SYNPO2: variants seen among roughly 807,000 people sequenced by gnomAD.
The protein encoded by SYNPO2 is synaptopodin-2.
In SYNPO2, 56 loss-of-function variants were observed where a neutral mutation model predicts 85.0. The ratio of observed to expected loss-of-function variants is 0.66; its 90% CI spans 0.53 to 0.82. The LOEUF (loss-of-function observed/expected upper bound fraction) is 0.82, where lower values mean the gene tolerates loss of function less well. Ranked by LOEUF, SYNPO2 falls within the 40% of genes least tolerant of loss-of-function variation. The pLI is 0.00. For synonymous variants in SYNPO2, 602 were observed against 591.1 expected (o/e 1.02, Z -0.27); for missense variants, 1,575 against 1,534.2 (o/e 1.03, Z -0.44).
chr4:118,886,455 AT>A (rs1465898522), upstream of SYNPO2, among the ~76,000 whole-genome samples: 2 of 151,962 alleles, frequency 1.3e-5, no homozygotes, highest in Non-Finnish European at 2.9e-5. Context: ...CCCTGTGTCT[AT>A]GTGTTCTCAT....
At chr4:119,001,293 A>G (rs1450531237) in intron 1 of SYNPO2, among the ~76,000 whole-genome samples, 1 of 152,230 alleles carries the variant, frequency 6.6e-6, no homozygotes, top group East Asian at 1.9e-4. Context: ...TAAATCAAAC[A>G]TAGCCTTGTA....
intron 1 of SYNPO2, among the ~76,000 whole-genome samples, chr4:118,944,896 A>G (rs1247079659): frequency 6.6e-6 from 1 of 152,138 alleles, no homozygotes; most frequent in Non-Finnish European, 1.5e-5. Flanking sequence ...CAGATAAGAG[A>G]GAGAATGGTG....
chr4:119,049,972 T>G (rs1738983758), intron 4 of SYNPO2, among the ~76,000 whole-genome samples: 1 of 152,114 alleles, frequency 6.6e-6, no homozygotes, highest in African/African-American at 2.4e-5. Context: ...TTAAATGACC[T>G]TTTCCAAAAT....
At position 118,889,023 on chromosome 4, in the gene SYNPO2, A is replaced by G. The variant is rs1732277366; in HGVS notation, c.-14A>G. ...CTCGTCAAGCTCTTCATGCTGCCCA[A>G]CTAAAAGGAAAACATGGGCACAGGG... On this transcript the variant is annotated 5_prime_UTR_variant, in exon 1 of 5. Transcript: ENST00000307142. 2 of 1,613,630 alleles carry G rather than the reference A, an allele frequency of 1.2e-6. No individual in the cohort carries two copies. The highest frequency in any genetic ancestry group is 1.7e-6 in the Non-Finnish European group (2 of 1,179,654).
rs540854642 is a variant in SYNPO2 at position 118,941,292 on chromosome 4, C to T, written c.105+52151C>T. 3.9e-5 allele frequency among the ~76,000 whole-genome samples: 6 copies of T among 152,296 alleles called. No individual in the cohort carries two copies. The South Asian group carries it at 1.2e-3, about 32-fold the overall frequency. ...TCTTGAACATCTTTCCAGTTTGTCA[C>T]GTTCTGTTCATTCCCAGTCACCAAC... On this transcript the variant is annotated intron_variant, in intron 1 of 4. Coordinates refer to ENST00000307142, the MANE Select transcript of SYNPO2 (RefSeq NM_133477.3).
chr4:118,928,873 A>G (rs935675257), intron 1 of SYNPO2, among the ~76,000 whole-genome samples: 1 of 152,202 alleles, frequency 6.6e-6, no homozygotes, highest in African/African-American at 2.4e-5. Context: ...TTTCTTGTTC[A>G]TGAACTAAGC....
At chr4:118,923,925 C>T (rs1441722677) in intron 1 of SYNPO2, among the ~76,000 whole-genome samples, 4 of 148,392 alleles carry the variant, frequency 2.7e-5, no homozygotes, top group Admixed American at 2.7e-4. Flanking sequence ...CATGTGGCAA[C>T]ATGTTTTTTA....
intron 1 of SYNPO2, among the ~76,000 whole-genome samples, chr4:118,857,572 A>G (rs1372493458): frequency 2.6e-5 from 4 of 151,558 alleles, no homozygotes; most frequent in Non-Finnish European, 5.9e-5. Flanking sequence ...AACAAGACAG[A>G]ATTTTTTTTA....
At chr4:118,996,459 T>C (rs1324453056) in intron 1 of SYNPO2, among the ~76,000 whole-genome samples, 2 of 152,192 alleles carry the variant, frequency 1.3e-5, no homozygotes, top group African/African-American at 4.8e-5. Context: ...AATATAATTG[T>C]ATATCATTTC....
chr4:118,884,159 C>CT (rs1168265078), upstream of SYNPO2, among the ~76,000 whole-genome samples: 2 of 152,152 alleles, frequency 1.3e-5, no homozygotes, highest in Non-Finnish European at 1.5e-5. Flanking sequence ...GAGATATTAT[C>CT]TTTTTTCTCA....
intron 1 of SYNPO2, among the ~76,000 whole-genome samples, chr4:118,876,571 A>AGCATTTATTTGTTCAGATACTTTTCCTT (rs1416621464): frequency 6.6e-6 from 1 of 152,038 alleles, no homozygotes; most frequent in Non-Finnish European, 1.5e-5. Context: ...AACAACACAC[A>AGCATTTATTTGTTCAGATACTTTTCCTT]GCATTTATTT....
At chr4:118,987,462 A>G (rs1736260331) in intron 1 of SYNPO2, among the ~76,000 whole-genome samples, 1 of 152,172 alleles carries the variant, frequency 6.6e-6, no homozygotes, top group Admixed American at 6.5e-5. Context: ...TTGAGCCCAG[A>G]AGTTTGAGAT....
At chr4:118,951,063 G>A (rs965042169) in intron 1 of SYNPO2, among the ~76,000 whole-genome samples, 18 of 152,196 alleles carry the variant, frequency 1.2e-4, no homozygotes, top group African/African-American at 4.3e-4. Context: ...TATTGACATT[G>A]TGGTCTTGCT....
intron 1 of SYNPO2, among the ~76,000 whole-genome samples, chr4:118,882,156 G>A (rs992243003): frequency 2.6e-5 from 4 of 151,792 alleles, no homozygotes; most frequent in African/African-American, 7.3e-5. Flanking sequence ...TATTGTTGTC[G>A]GTCACTTTTT....
chr4:119,028,224 T>TA (rs1298828518), intron 3 of SYNPO2, among the ~76,000 whole-genome samples: 2 of 29,584 alleles, frequency 6.8e-5, no homozygotes, highest in African/African-American at 1.7e-4. Context: ...TTTTGTTTGT[T>TA]TTTTTTTTTT....
chr4:118,929,493 A>T (rs1004093357), intron 1 of SYNPO2, among the ~76,000 whole-genome samples: 1 of 152,008 alleles, frequency 6.6e-6, no homozygotes, highest in Non-Finnish European at 1.5e-5. Context: ...AATAAAAAAA[A>T]TTTTGCTACA....
At chr4:118,982,012 A>G (rs1358407728) in intron 1 of SYNPO2, among the ~76,000 whole-genome samples, 2 of 152,188 alleles carry the variant, frequency 1.3e-5, no homozygotes, top group Non-Finnish European at 2.9e-5. Context: ...CAACTAATAC[A>G]TAACCTAAGG....
chr4:118,998,657 C>T (rs1736708663), intron 1 of SYNPO2, among the ~76,000 whole-genome samples: 1 of 152,172 alleles, frequency 6.6e-6, no homozygotes, highest in South Asian at 2.1e-4. Context: ...TCAGCTGTGT[C>T]AGTTGCTGTG....
intron 1 of SYNPO2, among the ~76,000 whole-genome samples, chr4:118,976,486 T>C (rs1343744303): frequency 2.0e-5 from 3 of 152,182 alleles, no homozygotes; most frequent in Admixed American, 2.0e-4. Context: ...TTGCCAATGC[T>C]GGCTAGGGCA....
Sources: gnomAD v4.1 joint callset for allele counts (sites outside exome capture counted in the v4.1 genomes callset) on GRCh38, gnomAD v4.1.1 for gene constraint, MANE v1.5 for transcripts, NCBI Gene and HGNC (gene_info 2026-07-23, HGNC 2026-07-21) for gene names.